Variants in TTC27 observed in about 807,000 individuals in gnomAD.
TTC27 encodes the protein tetratricopeptide repeat protein 27.
In TTC27, 79 loss-of-function variants were observed where a neutral mutation model predicts 115.9. That is an observed-to-expected ratio of 0.68 (90% CI 0.57 to 0.82). The LOEUF (loss-of-function observed/expected upper bound fraction) is 0.82. TTC27 is among the 40% of genes least tolerant of loss of function. The pLI, the probability that TTC27 is intolerant of heterozygous loss-of-function variation, is 0.00. For missense variants in TTC27, 1,054 were observed against 993.1 expected (o/e 1.06, Z -0.82); for synonymous variants, 401 against 356.0 (o/e 1.13, Z -1.42).
intron 16 of TTC27, among the ~76,000 whole-genome samples, chr2:32,795,877 C>A (rs1420054426): frequency 6.6e-6 from 1 of 151,814 alleles, no homozygotes; most frequent in Non-Finnish European, 1.5e-5. Context: ...CTGCTCCCAG[C>A]CTGAAAGCTT....
intron 5 of TTC27, 37 bp downstream of exon 5, chr2:32,650,270 C>A: frequency 1.3e-6 from 2 of 1,521,936 alleles, no homozygotes; most frequent in Non-Finnish European, 1.8e-6. Context: ...GGGCATGTAG[C>A]TCAGTTCTAA....
chr2:32,779,572 T>C (rs1350654099), intron 14 of TTC27, among the ~76,000 whole-genome samples: 3 of 151,878 alleles, frequency 2.0e-5, no homozygotes, highest in Non-Finnish European at 2.9e-5. Context: ...GATTTGCAAA[T>C]ATTTTCTCCC....
intron 18 of TTC27, among the ~76,000 whole-genome samples, chr2:32,814,307 C>T (rs1461953119): frequency 2.0e-5 from 3 of 152,284 alleles, no homozygotes; most frequent in Non-Finnish European, 4.4e-5. Flanking sequence ...TTCATCAGGG[C>T]AATACTTGGA....
intron 12 of TTC27, among the ~76,000 whole-genome samples, chr2:32,737,770 A>C (rs1668494495): frequency 6.6e-6 from 1 of 152,154 alleles, no homozygotes; most frequent in Admixed American, 6.5e-5. Flanking sequence ...CGAGAAGCTG[A>C]GGTGGGAAGA....
intron 12 of TTC27, among the ~76,000 whole-genome samples, chr2:32,741,338 A>G (rs889056053): frequency 6.6e-6 from 1 of 152,106 alleles, no homozygotes; most frequent in Admixed American, 6.5e-5. Flanking sequence ...CTGCTTAAGA[A>G]CCAGACCTGT....
intron 7 of TTC27, among the ~76,000 whole-genome samples, chr2:32,670,465 T>C (rs1296667805): frequency 6.6e-6 from 1 of 152,200 alleles, no homozygotes; most frequent in Non-Finnish European, 1.5e-5. Context: ...TATAATCTTT[T>C]GGTCTGGCTT....
intron 9 of TTC27, among the ~76,000 whole-genome samples, chr2:32,682,859 T>TTG (rs1666489114): frequency 1.7e-5 from 2 of 119,322 alleles, no homozygotes; most frequent in East Asian, 4.8e-4. Flanking sequence ...TTTTTTTTTT[T>TTG]TTTTTTTTTT....
At chr2:32,638,308 A>G (rs896995544) in intron 3 of TTC27, among the ~76,000 whole-genome samples, 8 of 152,206 alleles carry the variant, frequency 5.3e-5, no homozygotes, top group African/African-American at 1.9e-4. Context: ...TTCCTCTATT[A>G]CACTCTTGAA....
chr2:32,736,726 A>G lies in TTC27; in HGVS notation c.1362A>G (p.Gly454=). 4 of 1,614,006 alleles carry G rather than the reference A, an allele frequency of 2.5e-6. No individual in the cohort carries two copies. Among genetic ancestry groups the G allele is most frequent in the Non-Finnish European group, 3.4e-6 (4 of 1,179,926 alleles). ...TTGCAAGTTTGCTCTTTGAGTTGGG[A>G]TGTACCAGTTCAGCCCTTCAGATAT... ...RQLASLLFEL[G]CTSSALQIFE... The change falls in exon 12 of 20, where the codon GGA becomes GGG. Residue 454 remains glycine (G), a synonymous_variant. Coordinates refer to ENST00000317907, the MANE Select transcript of TTC27 (RefSeq NM_017735.5).
chr2:32,803,293 T>C (rs538032160), intron 16 of TTC27, among the ~76,000 whole-genome samples: 2 of 152,386 alleles, frequency 1.3e-5, no homozygotes, highest in Admixed American at 6.5e-5. Context: ...AAGCCCTTGC[T>C]GTCTGCTCTC....
At chr2:32,819,479 G>A (rs574285600) in intron 19 of TTC27, among the ~76,000 whole-genome samples, 1 of 152,244 alleles carries the variant, frequency 6.6e-6, no homozygotes, top group Non-Finnish European at 1.5e-5. Context: ...TTCCAAAAAA[G>A]TCACTTTTTT....
intron 10 of TTC27, among the ~76,000 whole-genome samples, chr2:32,716,231 C>T (rs573784317): frequency 2.6e-5 from 4 of 152,312 alleles, no homozygotes; most frequent in African/African-American, 9.6e-5. Flanking sequence ...GTGAATCTAG[C>T]TCATTCATTC....
Position 32,820,829 on chromosome 2 carries a change from A to T in TTC27, c.2423A>T (p.Asp808Val). The T allele has an allele frequency of 2.6e-6, 4 of 1,536,246 alleles. No homozygotes were observed. The highest frequency in any genetic ancestry group is 3.5e-6 in the Non-Finnish European group (4 of 1,137,502). Residue 808 changes from aspartate (D) to valine (V), a missense_variant, in exon 20 of 20, where the codon GAT becomes GTT. Coordinates refer to ENST00000317907, the MANE Select transcript of TTC27 (RefSeq NM_017735.5). Reference protein sequence around the residue: ...LLSKAKQLFTDVATGEMSREL... With the variant: ...LLSKAKQLFTVVATGEMSREL... The stretch of plus-strand genomic sequence containing the variant: ...TTTATATTACAGCAACTTTTTACAG[A>T]TGTGGCAACTGGAGAAATGTCCAGG...
chr2:32,794,948 A>C (rs1670647741), intron 16 of TTC27, among the ~76,000 whole-genome samples: 2 of 152,150 alleles, frequency 1.3e-5, no homozygotes, highest in African/African-American at 4.8e-5. Flanking sequence ...AGGAATCAAA[A>C]ATCTCCCAAC....
At position 32,737,490 on chromosome 2, in the gene TTC27, C is replaced by T. The variant is rs980851816; in HGVS notation, c.1452+674C>T. On this transcript the variant is annotated intron_variant, in intron 12 of 19. Coordinates refer to ENST00000317907, the MANE Select transcript of TTC27 (RefSeq NM_017735.5). ...ACATAAGCAAGCAGAGTAAAGCCCA[C>T]AAATTGGATCATTTATACCTACAGT... Among the ~76,000 whole-genome samples the T allele has an allele frequency of 4.6e-5, 7 of 152,226 alleles. No homozygotes were observed. In the East Asian group the frequency reaches 1.4e-3, roughly 29 times the overall value.
chr2:32,734,036 A>G, intron 11 of TTC27, 113 bp downstream of exon 11: 1 of 696,978 alleles, frequency 1.4e-6, no homozygotes, highest in Non-Finnish European at 2.3e-6. Context: ...TTTGCTAAAG[A>G]TAATAAATGT....
Position 32,672,343 on chromosome 2 carries a change from G to T in TTC27, c.1011G>T (p.Pro337=). The part of the protein sequence containing the change: ...KLADCEQFQM[P]DLCAEEIAII... ...CAGATTGTGAACAGTTCCAGATGCC[G>T]GATCTGTGTGCTGAAGAGATCGCTA... The change falls in exon 8 of 20, where the codon CCG becomes CCT. Residue 337 remains proline (P), a synonymous_variant. Coordinates refer to ENST00000317907, the MANE Select transcript of TTC27 (RefSeq NM_017735.5). 6.2e-7 allele frequency: 1 copy of T among 1,613,866 alleles called. No individual in the cohort carries two copies. The highest frequency in any genetic ancestry group is 8.5e-7 in the Non-Finnish European group (1 of 1,179,846).
chr2:32,681,980 ATGTGTGTGTGTGTGTGTGTGTGTG>A (rs70938359), intron 9 of TTC27, among the ~76,000 whole-genome samples: 36 of 90,042 alleles, frequency 4.0e-4, no homozygotes, highest in Middle Eastern at 4.8e-3. Context: ...ATGTATATAT[ATGTGTGTGTGTGTGTGTGTGTGTG>A]TGTGTGTGTG....
At chr2:32,760,820 C>T (rs1402608918) in intron 13 of TTC27, among the ~76,000 whole-genome samples, 1 of 152,144 alleles carries the variant, frequency 6.6e-6, no homozygotes, top group Non-Finnish European at 1.5e-5. Flanking sequence ...GAATTGTTCT[C>T]TGCAGCGCAC....
Sources: allele counts gnomAD v4.1 joint callset (sites outside exome capture counted in the v4.1 genomes callset), GRCh38; gene constraint gnomAD v4.1.1; transcripts MANE v1.5; gene names NCBI Gene and HGNC (gene_info 2026-07-23, HGNC 2026-07-21).